SLC24A3: variants seen among roughly 807,000 people sequenced by gnomAD.
SLC24A3 encodes sodium/potassium/calcium exchanger 3.
A neutral mutation model predicts 75.8 loss-of-function variants in SLC24A3; 28 were observed. The observed-to-expected ratio is 0.37, with a 90% CI of 0.27 to 0.51. The LOEUF (loss-of-function observed/expected upper bound fraction) is 0.51. Among genes scored for constraint, SLC24A3 ranks in the 20% least tolerant of loss-of-function variants. The pLI, the probability that SLC24A3 is intolerant of heterozygous loss-of-function variation, is 0.94. For synonymous variants in SLC24A3, 372 were observed against 334.1 expected (o/e 1.11, Z -1.24); for missense variants, 663 against 847.8 (o/e 0.78, Z 2.71).
intron 6 of SLC24A3, among the ~76,000 whole-genome samples, chr20:19,625,996 C>T (rs2031861102): frequency 1.3e-5 from 2 of 152,032 alleles, no homozygotes; most frequent in African/African-American, 4.8e-5. Flanking sequence ...TATCTAGGGG[C>T]ATAGTTTATT....
chr20:19,274,655 C>T (rs1323425331), intron 1 of SLC24A3, among the ~76,000 whole-genome samples: 1 of 152,158 alleles, frequency 6.6e-6, no homozygotes, highest in African/African-American at 2.4e-5. Context: ...TGTACGAAGC[C>T]AGGGCCTCCA....
At chr20:19,609,102 A>G (rs780659422) in intron 6 of SLC24A3, among the ~76,000 whole-genome samples, 11 of 152,188 alleles carry the variant, frequency 7.2e-5, no homozygotes, top group Admixed American at 2.0e-4. Flanking sequence ...CCCAAAGAAA[A>G]TGATACTAAT....
At chr20:19,554,481 G>T (rs2030751054) in intron 3 of SLC24A3, among the ~76,000 whole-genome samples, 1 of 152,134 alleles carries the variant, frequency 6.6e-6, no homozygotes. Flanking sequence ...AAATTACACT[G>T]GGCTCAGAGT....
At chr20:19,582,661 GA>G (rs941173100) in intron 4 of SLC24A3, among the ~76,000 whole-genome samples, 8 of 152,180 alleles carry the variant, frequency 5.3e-5, no homozygotes, top group African/African-American at 1.9e-4. Flanking sequence ...ACAGCCCCTA[GA>G]TTTTGAACAG....
At chr20:19,497,029 AG>A (rs1205429608) in intron 2 of SLC24A3, among the ~76,000 whole-genome samples, 1 of 152,162 alleles carries the variant, frequency 6.6e-6, no homozygotes, top group Admixed American at 6.5e-5. Flanking sequence ...AGTAGACATT[AG>A]GGTACCAGCC....
intron 12 of SLC24A3, 147 bp downstream of exon 12, chr20:19,685,508 G>A (rs551061845): frequency 1.1e-4 from 145 of 1,332,140 alleles, no homozygotes; most frequent in Non-Finnish European, 1.3e-4. Flanking sequence ...CCTTTGGGCA[G>A]GACTTTGTTG....
At chr20:19,289,455 C>T (rs552682181) in intron 2 of SLC24A3, among the ~76,000 whole-genome samples, 6 of 152,304 alleles carry the variant, frequency 3.9e-5, no homozygotes, top group Admixed American at 6.5e-5. Flanking sequence ...TTGCTCTGCA[C>T]GATGACAGTT....
At chr20:19,661,597 A>T (rs1339807961) in intron 7 of SLC24A3, among the ~76,000 whole-genome samples, 1 of 152,196 alleles carries the variant, frequency 6.6e-6, no homozygotes, top group Non-Finnish European at 1.5e-5. Context: ...AAAGAAAACG[A>T]TGATGTTGAT....
At chr20:19,612,762 C>T (rs911315322) in intron 6 of SLC24A3, among the ~76,000 whole-genome samples, 9 of 152,198 alleles carry the variant, frequency 5.9e-5, no homozygotes, top group African/African-American at 7.2e-5. Flanking sequence ...CCCCTCAGGG[C>T]TCTCCCTGTT....
At chr20:19,674,255 A>G (rs967666230) in intron 9 of SLC24A3, among the ~76,000 whole-genome samples, 1 of 152,254 alleles carries the variant, frequency 6.6e-6, no homozygotes, top group African/African-American at 2.4e-5. Context: ...CCACTGCTGC[A>G]TAACAAACCA....
intron 1 of SLC24A3, among the ~76,000 whole-genome samples, chr20:19,240,824 C>G (rs1982307361): frequency 1.3e-5 from 2 of 152,194 alleles, no homozygotes; most frequent in African/African-American, 4.8e-5. Flanking sequence ...CACTCACTAG[C>G]CCCTGGCTGC....
intron 2 of SLC24A3, among the ~76,000 whole-genome samples, chr20:19,300,448 A>G (rs1369478161): frequency 2.6e-5 from 4 of 152,162 alleles, no homozygotes; most frequent in African/African-American, 9.6e-5. Context: ...ACCTGACTGC[A>G]ACCTCTTAAG....
At chr20:19,271,394 G>A (rs1157036093) in intron 1 of SLC24A3, among the ~76,000 whole-genome samples, 3 of 152,112 alleles carry the variant, frequency 2.0e-5, no homozygotes, top group African/African-American at 7.2e-5. Context: ...TGGTGGGAAT[G>A]TAAACTAGTA....
At chr20:19,256,218 A>G (rs142449220) in intron 1 of SLC24A3, among the ~76,000 whole-genome samples, 376 of 152,326 alleles carry the variant, frequency 2.5e-3, no homozygotes, top group African/African-American at 8.9e-3. Context: ...TGATGAATTC[A>G]TAAGCAATTC....
At chr20:19,234,318 A>C (rs1982106144) in intron 1 of SLC24A3, among the ~76,000 whole-genome samples, 1 of 152,188 alleles carries the variant, frequency 6.6e-6, no homozygotes, top group African/African-American at 2.4e-5. Flanking sequence ...TTGCTTAACG[A>C]AGTTGGCATG....
At chr20:19,424,745 C>CAAAAAAAAAAAAAAAAAA (rs528342351) in intron 2 of SLC24A3, among the ~76,000 whole-genome samples, 1 of 49,142 alleles carries the variant, frequency 2.0e-5, no homozygotes, top group African/African-American at 7.7e-5. Context: ...AAAACAACAA[C>CAAAAAAAAAAAAAAAAAA]AAAAAAAAAA....
chr20:19,646,846 TGTGTGC>T (rs1307275447), intron 6 of SLC24A3, among the ~76,000 whole-genome samples: 1 of 148,352 alleles, frequency 6.7e-6, no homozygotes, highest in African/African-American at 2.5e-5. Flanking sequence ...AAACTCTGTG[TGTGTGC>T]GTGTGTGTGT....
rs538599825 is a variant in SLC24A3 at position 19,480,765 on chromosome 20, G to T, written c.272-34723G>T. Among the ~76,000 whole-genome samples, 4 of 152,248 alleles carry T rather than the reference G, an allele frequency of 2.6e-5. No individual in the cohort carries two copies. The South Asian group carries it at 8.3e-4, about 32-fold the overall frequency. On this transcript the variant is annotated intron_variant, in intron 2 of 16. Coordinates refer to ENST00000328041, the MANE Select transcript of SLC24A3 (RefSeq NM_020689.4). ...CAGTTGGCTTATCTGAGTCCCCTTG[G>T]CCAGTGAACTCAATCTAAGAGCTGG...
intron 2 of SLC24A3, among the ~76,000 whole-genome samples, chr20:19,450,640 C>A (rs564353324): frequency 6.6e-6 from 1 of 152,122 alleles, no homozygotes; most frequent in Non-Finnish European, 1.5e-5. Context: ...AAAAGGTGCC[C>A]CCTTATGATG....
Sources: gnomAD v4.1 joint callset for allele counts (sites outside exome capture counted in the v4.1 genomes callset) on GRCh38, gnomAD v4.1.1 for gene constraint, MANE v1.5 for transcripts, NCBI Gene and HGNC (gene_info 2026-07-23, HGNC 2026-07-21) for gene names.